Variants in ATL2 observed in about 807,000 individuals in gnomAD.
ATL2 encodes the protein atlastin-2.
A neutral mutation model predicts 73.9 loss-of-function variants in ATL2; 31 were observed. That is an observed-to-expected ratio of 0.42 (90% CI 0.32 to 0.57). ATL2 has a LOEUF of 0.57. Among genes scored for constraint, ATL2 ranks in the 20% least tolerant of loss-of-function variants. The pLI is 0.14. For missense variants in ATL2, 738 were observed against 702.6 expected (o/e 1.05, Z -0.57); for synonymous variants, 291 against 237.5 (o/e 1.23, Z -2.07).
intron 1 of ATL2, among the ~76,000 whole-genome samples, chr2:38,375,707 T>C (rs1671921604): frequency 6.6e-6 from 1 of 152,180 alleles, no homozygotes; most frequent in Non-Finnish European, 1.5e-5. Context: ...AGAGCGAAAT[T>C]AATCCATCCG....
At chr2:38,367,783 C>A (rs1671427429) in intron 1 of ATL2, among the ~76,000 whole-genome samples, 1 of 151,106 alleles carries the variant, frequency 6.6e-6, no homozygotes, top group South Asian at 2.1e-4. Flanking sequence ...CAGGCGCTTG[C>A]CACCATGCCC....
intron 2 of ATL2, among the ~76,000 whole-genome samples, chr2:38,330,731 T>C (rs1668939070): frequency 6.6e-6 from 1 of 152,222 alleles, no homozygotes; most frequent in Non-Finnish European, 1.5e-5. Flanking sequence ...TGTTTGGATC[T>C]AAATAAATGG....
At chr2:38,325,650 ACACACACC>A in intron 2 of ATL2, among the ~76,000 whole-genome samples, 2 of 77,800 alleles carry the variant, frequency 2.6e-5, no homozygotes, top group Non-Finnish European at 5.0e-5. Context: ...ACACACACAC[ACACACACC>A]AGTACACACA....
intron 2 of ATL2, 35 bp downstream of exon 2, chr2:38,343,227 TTTTTTC>T: frequency 6.5e-7 from 1 of 1,531,372 alleles, no homozygotes; most frequent in Non-Finnish European, 8.8e-7. Context: ...TGGTTGGTAC[TTTTTTC>T]TTTTTAATTG....
intron 2 of ATL2, among the ~76,000 whole-genome samples, chr2:38,322,781 A>T (rs1044567972): frequency 1.3e-5 from 2 of 152,206 alleles, no homozygotes; most frequent in Non-Finnish European, 2.9e-5. Context: ...TGGGAGGCCA[A>T]GGCAGGAGGA....
At chr2:38,360,801 C>T (rs1485500114) in intron 1 of ATL2, among the ~76,000 whole-genome samples, 1 of 151,960 alleles carries the variant, frequency 6.6e-6, no homozygotes, top group Admixed American at 6.6e-5. Context: ...AATGAGAGTA[C>T]ACAATATTGA....
chr2:38,318,947 C>G lies in ATL2; in HGVS notation c.436G>C (p.Glu146Gln), dbSNP rs1349540213. The G allele has an allele frequency of 3.1e-6, 5 of 1,614,034 alleles. No individual in the cohort carries two copies. In the Admixed American group the frequency reaches 8.3e-5, roughly 27 times the overall value. The change falls in exon 3 of 13, where the codon GAA becomes CAA. Residue 146 changes from glutamate (E) to glutamine (Q), a missense_variant. Glu to Gln is a conservative substitution (Grantham distance 29). Transcript: ENST00000378954. ...GFTWRGGCERETTGIQVWNEV... is the reference protein window; with the variant it reads ...GFTWRGGCERQTTGIQVWNEV... ...TTCCAAACTTGTATGCCTGTTGTTT[C>G]TCTTTCACAGCCACCTCGCCATGTA...
At chr2:38,367,308 G>A (rs191783184) in intron 1 of ATL2, among the ~76,000 whole-genome samples, 25 of 151,836 alleles carry the variant, frequency 1.6e-4, no homozygotes, top group Middle Eastern at 3.4e-3. Context: ...ATCAATATAT[G>A]ATTAACAATT....
At chr2:38,305,506 T>C (rs1667402953) in intron 9 of ATL2, among the ~76,000 whole-genome samples, 1 of 151,664 alleles carries the variant, frequency 6.6e-6, no homozygotes, top group Non-Finnish European at 1.5e-5. Context: ...CCGAGACTGC[T>C]CCGCTGCACT....
At chr2:38,366,185 T>C (rs191116783) in intron 1 of ATL2, among the ~76,000 whole-genome samples, 2 of 151,226 alleles carry the variant, frequency 1.3e-5, no homozygotes, top group African/African-American at 4.9e-5. Context: ...TGAGGGTACA[T>C]GACAGGATTC....
chr2:38,332,849 A>G (rs1669078141), intron 2 of ATL2, among the ~76,000 whole-genome samples: 1 of 152,192 alleles, frequency 6.6e-6, no homozygotes, highest in Non-Finnish European at 1.5e-5. Flanking sequence ...ACATTCTCCA[A>G]TCTATACAAA....
At position 38,310,455 on chromosome 2, in the gene ATL2, C is replaced by G; in HGVS notation, c.805-8G>C. ...ATGTTGATTTTGTTTTACCTGAGGG[C>G]GGAGAGAGACAGGTGAAATTGTAAA... On this transcript the variant is annotated splice_polypyrimidine_tract_variant and splice_region_variant and intron_variant, in intron 7 of 12. Coordinates refer to ENST00000378954, the MANE Select transcript of ATL2 (RefSeq NM_001135673.4). The G allele has an allele frequency of 1.3e-6, 2 of 1,578,254 alleles. No individual in the cohort carries two copies. Among genetic ancestry groups the G allele is most frequent in the South Asian group, 1.2e-5 (1 of 85,392 alleles).
intron 2 of ATL2, among the ~76,000 whole-genome samples, chr2:38,331,945 G>T (rs1475601381): frequency 6.6e-6 from 1 of 152,064 alleles, no homozygotes; most frequent in Non-Finnish European, 1.5e-5. Flanking sequence ...ATTAACTGAT[G>T]AATGGATAAA....
chr2:38,367,616 A>AAAAC (rs1268059757), intron 1 of ATL2, among the ~76,000 whole-genome samples: 2 of 139,762 alleles, frequency 1.4e-5, no homozygotes, highest in Non-Finnish European at 3.1e-5. Flanking sequence ...AAAAAAAAAA[A>AAAAC]CCGCCCATTT....
rs116493165 is a variant in ATL2, at chr2:38,298,449, G to A, written c.1327C>T (p.Arg443Cys). The A allele has an allele frequency of 5.8e-5, 94 of 1,614,132 alleles. No individual in the cohort carries two copies. The East Asian group carries it at 1.6e-3, about 27-fold the overall frequency. The change falls in exon 12 of 13, where the codon CGT becomes TGT. Residue 443 changes from arginine (R) to cysteine (C), a missense_variant. By Grantham distance (180) the Arg-to-Cys change is radical. Transcript: ENST00000378954. ...TCAGCTTCAAGCTGGTCCTGATAACGACGGCAGAACTCATCTCCACCCATC... is the reference window on the plus strand; with the variant it reads ...TCAGCTTCAAGCTGGTCCTGATAACAACGGCAGAACTCATCTCCACCCATC... ...KKMGGDEFCR[R>C]YQDQLEAEIE...
chr2:38,326,113 G>T (rs539093342), intron 2 of ATL2, among the ~76,000 whole-genome samples: 12 of 152,034 alleles, frequency 7.9e-5, no homozygotes, highest in Non-Finnish European at 1.6e-4. Flanking sequence ...CCATAAGGTG[G>T]CATACGATGC....
At chr2:38,347,426 C>T (rs1573542242) in intron 1 of ATL2, among the ~76,000 whole-genome samples, 1 of 152,218 alleles carries the variant, frequency 6.6e-6, no homozygotes, top group South Asian at 2.1e-4. Context: ...TCTCCATCAT[C>T]CAGCTCTTCA....
chr2:38,355,500 C>A (rs372363124), intron 1 of ATL2, among the ~76,000 whole-genome samples: 1 of 152,104 alleles, frequency 6.6e-6, no homozygotes, highest in South Asian at 2.1e-4. Context: ...AAAAGGTATA[C>A]TATACAGACA....
chr2:38,360,040 G>C (rs920554762), intron 1 of ATL2, among the ~76,000 whole-genome samples: 3 of 146,890 alleles, frequency 2.0e-5, no homozygotes, highest in African/African-American at 5.0e-5. Context: ...TGAGACACGA[G>C]AATCACTTGA....
Sources: gnomAD v4.1 joint callset for allele counts (sites outside exome capture counted in the v4.1 genomes callset) on GRCh38, gnomAD v4.1.1 for gene constraint, MANE v1.5 for transcripts, NCBI Gene and HGNC (gene_info 2026-07-23, HGNC 2026-07-21) for gene names.